GPHN: variants seen among roughly 807,000 people sequenced by gnomAD.
GPHN encodes the protein gephyrin.
In GPHN, 17 loss-of-function variants were observed where a neutral mutation model predicts 95.5. The ratio of observed to expected loss-of-function variants is 0.18; its 90% CI spans 0.12 to 0.27. GPHN has a LOEUF of 0.27. GPHN is among the 10% of genes least tolerant of loss of function. GPHN has a pLI of 1.00. For missense variants in GPHN, 660 were observed against 978.1 expected (o/e 0.67, Z 4.34); for synonymous variants, 320 against 322.5 (o/e 0.99, Z 0.08).
intron 8 of GPHN, among the ~76,000 whole-genome samples, chr14:66,953,405 C>T (rs904144758): frequency 6.6e-6 from 1 of 152,014 alleles, no homozygotes; most frequent in Non-Finnish European, 1.5e-5. Flanking sequence ...TCACCAAAGT[C>T]GTGAAGATTT....
chr14:66,795,344 ACT>A (rs1473564518), intron 3 of GPHN, among the ~76,000 whole-genome samples: 1 of 151,386 alleles, frequency 6.6e-6, no homozygotes, highest in Non-Finnish European at 1.5e-5. Flanking sequence ...AATGTAAATG[ACT>A]CTTGTAAACA....
At chr14:67,608,062 C>T in the GPHN span, among the ~76,000 whole-genome samples, 3 of 142,006 alleles carry the variant, frequency 2.1e-5, no homozygotes. Flanking sequence ...CAAAGTGAAA[C>T]CCCTGTCTCT....
the GPHN span, among the ~76,000 whole-genome samples, chr14:67,273,117 CTTT>C: frequency 7.7e-5 from 11 of 143,084 alleles, no homozygotes; most frequent in Admixed American, 2.1e-4. Flanking sequence ...ATATTTCTTT[CTTT>C]TTTTTTTTTT....
chr14:67,425,061 T>A, the GPHN span, among the ~76,000 whole-genome samples: 2 of 152,168 alleles, frequency 1.3e-5, no homozygotes, highest in Non-Finnish European at 2.9e-5. Context: ...ATACTAGGAA[T>A]GAAAATTTTT....
At chr14:67,099,450 A>C (rs938156358) in intron 12 of GPHN, among the ~76,000 whole-genome samples, 1 of 152,148 alleles carries the variant, frequency 6.6e-6, no homozygotes, top group Non-Finnish European at 1.5e-5. Flanking sequence ...ACTTTAAAAA[A>C]AAAATAACCC....
At chr14:67,674,337 G>A in the GPHN span, 10 of 1,534,506 alleles carry the variant, frequency 6.5e-6, no homozygotes, top group Middle Eastern at 2.4e-4. Flanking sequence ...AAGCGCGCAG[G>A]GCTGCGCTCC....
chr14:66,708,958 A>G (rs1367601994), intron 2 of GPHN, among the ~76,000 whole-genome samples: 3 of 152,154 alleles, frequency 2.0e-5, no homozygotes, highest in African/African-American at 4.8e-5. Context: ...TCTATTATAC[A>G]TAAGTATTAA....
chr14:67,630,170 T>C, the GPHN span, among the ~76,000 whole-genome samples: 1 of 152,238 alleles, frequency 6.6e-6, no homozygotes, highest in Non-Finnish European at 1.5e-5. Flanking sequence ...GGTCTAGTTC[T>C]GTATTAGGTT....
chr14:67,527,370 G>A, the GPHN span, among the ~76,000 whole-genome samples: 1,502 of 152,244 alleles, frequency 9.9e-3, 29 homozygotes, highest in African/African-American at 0.034. Flanking sequence ...CTCGGGAGCC[G>A]GAGGTTGCAG....
intron 3 of GPHN, among the ~76,000 whole-genome samples, chr14:66,782,477 G>A (rs901991597): frequency 6.6e-6 from 1 of 152,024 alleles, no homozygotes; most frequent in Admixed American, 6.6e-5. Context: ...ATTCCTTCCA[G>A]ATCCTTCCTA....
At chr14:67,726,074 A>G in the GPHN span, 15 of 1,614,006 alleles carry the variant, frequency 9.3e-6, no homozygotes, top group Non-Finnish European at 1.3e-5. Context: ...CCATATTCTG[A>G]TCAACAATGC....
chr14:66,760,849 T>C (rs1432884903), intron 2 of GPHN: 4 of 620,882 alleles, frequency 6.4e-6, no homozygotes, highest in Non-Finnish European at 1.2e-5. Flanking sequence ...CCAAGCGAAA[T>C]TTATAATGAA....
intron 1 of GPHN, among the ~76,000 whole-genome samples, chr14:66,666,982 A>G (rs2065999229): frequency 6.6e-6 from 1 of 152,208 alleles, no homozygotes; most frequent in South Asian, 2.1e-4. Context: ...TAGCATTCCT[A>G]TACATGAACA....
At chr14:67,712,057 T>TA in the GPHN span, among the ~76,000 whole-genome samples, 115 of 152,192 alleles carry the variant, frequency 7.6e-4, no homozygotes, top group African/African-American at 2.7e-3. Context: ...GTAGTTGGGA[T>TA]TACAGACATG....
chr14:67,473,539 G>T, the GPHN span: 1 of 1,614,036 alleles, frequency 6.2e-7, no homozygotes, highest in South Asian at 1.1e-5. The surrounding 1 kb of genome is among the most constrained non-coding windows in gnomAD (Gnocchi z 6.5). Flanking sequence ...TCCATGATGA[G>T]GGCCCCGCAG....
At chr14:66,964,056 A>T (rs1401271347) in intron 8 of GPHN, among the ~76,000 whole-genome samples, 1 of 152,196 alleles carries the variant, frequency 6.6e-6, no homozygotes, top group Non-Finnish European at 1.5e-5. Flanking sequence ...TATGCCCGTT[A>T]CTGGTAGCCC....
At chr14:67,722,511 C>T in the GPHN span, 1 of 807,450 alleles carries the variant, frequency 1.2e-6, no homozygotes, top group South Asian at 1.3e-5. Flanking sequence ...TGCTGCTCAG[C>T]ACCCAGGACG....
the GPHN span, among the ~76,000 whole-genome samples, chr14:67,227,163 T>TG: frequency 6.6e-6 from 1 of 152,072 alleles, no homozygotes; most frequent in Admixed American, 6.6e-5. Flanking sequence ...TGCTCCCAGC[T>TG]GGGCGTGGTG....
At chr14:67,651,612 G>A in the GPHN span, 1 of 981,136 alleles carries the variant, frequency 1.0e-6, no homozygotes, top group Non-Finnish European at 1.5e-6. Context: ...CCACTTAGCA[G>A]GAAGTACTCA....
Sources: gnomAD v4.1 joint callset for allele counts (sites outside exome capture counted in the v4.1 genomes callset) on GRCh38, gnomAD v4.1.1 for gene constraint, Gnocchi (gnomAD v3.1) non-coding constraint, MANE v1.5 for transcripts, NCBI Gene and HGNC (gene_info 2026-07-23, HGNC 2026-07-21) for gene names.